YTHDC2: variants seen among roughly 807,000 people sequenced by gnomAD.
The protein encoded by YTHDC2 is YTH N6-methyladenosine RNA binding protein C2, also known as 3'-5' RNA helicase YTHDC2.
Under a neutral mutation model 174.9 loss-of-function variants are expected in YTHDC2, and 45 were observed. The ratio of observed to expected loss-of-function variants is 0.26; its 90% CI spans 0.20 to 0.33. The LOEUF (loss-of-function observed/expected upper bound fraction) is 0.33, where lower values mean the gene tolerates loss of function less well. Ranked by LOEUF, YTHDC2 falls within the 10% of genes least tolerant of loss-of-function variation. YTHDC2 has a pLI of 1.00. For missense variants in YTHDC2, 1,650 were observed against 1,723.7 expected (o/e 0.96, Z 0.76); for synonymous variants, 657 against 574.5 (o/e 1.14, Z -2.05).
intron 4 of YTHDC2, 81 bp from the exon 5 acceptor site, chr5:113,532,798 A>G: frequency 7.8e-7 from 1 of 1,279,280 alleles, no homozygotes; most frequent in Non-Finnish European, 1.1e-6. Flanking sequence ...CTTCAATTCT[A>G]GTGGTTTTTC....
chr5:113,583,275 A>G (rs1421874770), intron 25 of YTHDC2: 3 of 152,206 alleles, frequency 2.0e-5, no homozygotes, highest in East Asian at 1.9e-4. Flanking sequence ...ATAAAATGAC[A>G]TGATGTGTGG....
chr5:113,541,239 T>C lies in YTHDC2; in HGVS notation c.1359+123T>C. On this transcript the variant is annotated intron_variant, in intron 9 of 29. Transcript: ENST00000161863. ...TGGAGTCTGGCTCTGTGGCCCAGGC[T>C]GGAGTGGAGTGGCGTGATCTCGGCT... 2.8e-6 allele frequency: 3 copies of C among 1,064,962 alleles called. No individual in the cohort carries two copies. The South Asian group carries it at 4.2e-5, about 15-fold the overall frequency. The allele number at this position is 1,064,962 out of a possible 1,614,324, so 66.0% of individuals were successfully genotyped here.
intron 1 of YTHDC2, 64 bp downstream of exon 1, chr5:113,514,146 A>G (rs1388065572): frequency 6.5e-7 from 1 of 1,541,382 alleles, no homozygotes; most frequent in African/African-American, 1.4e-5. Flanking sequence ...GCGCCCCCCA[A>G]ACGGCGGCCC....
At chr5:113,567,402 A>G (rs1019153972) in intron 22 of YTHDC2, 105 bp downstream of exon 22, 22 of 395,268 alleles carry the variant, frequency 5.6e-5, no homozygotes, top group African/African-American at 9.0e-5. Flanking sequence ...GAAATTAATT[A>G]GTTATATATA....
intron 26 of YTHDC2, among the ~76,000 whole-genome samples, chr5:113,589,315 G>A (rs546714893): frequency 2.7e-4 from 40 of 147,184 alleles, no homozygotes; most frequent in African/African-American, 9.5e-4. Flanking sequence ...TTTATTTAGT[G>A]TCTAATCTGC....
At chr5:113,576,004 A>G (rs140519518) in intron 23 of YTHDC2, among the ~76,000 whole-genome samples, 136 of 152,320 alleles carry the variant, frequency 8.9e-4, no homozygotes, top group African/African-American at 3.0e-3. Flanking sequence ...CTTGTCACTC[A>G]TTTGAGATTC....
intron 21 of YTHDC2, among the ~76,000 whole-genome samples, chr5:113,566,830 T>C (rs1437742580): frequency 2.6e-5 from 4 of 152,058 alleles, no homozygotes; most frequent in Non-Finnish European, 4.4e-5. Context: ...AATGTGGATC[T>C]AAAAAAATTT....
intron 2 of YTHDC2, 47 bp downstream of exon 2, chr5:113,515,409 CA>C: frequency 6.7e-7 from 1 of 1,489,520 alleles, no homozygotes. Flanking sequence ...ATTATTTGCC[CA>C]AAAAAGGGAG....
At chr5:113,578,973 T>A (rs1455071108) in intron 23 of YTHDC2, among the ~76,000 whole-genome samples, 1 of 152,144 alleles carries the variant, frequency 6.6e-6, no homozygotes, top group Non-Finnish European at 1.5e-5. Flanking sequence ...CATTCTGTAT[T>A]TTTATAATCT....
chr5:113,552,854 C>G (rs961450275), intron 12 of YTHDC2, among the ~76,000 whole-genome samples: 2 of 152,048 alleles, frequency 1.3e-5, no homozygotes, highest in African/African-American at 4.8e-5. Flanking sequence ...TGTAGTCATC[C>G]TAGTTGGTGT....
At chr5:113,524,836 A>AT in intron 2 of YTHDC2, 145 bp from the exon 3 acceptor site, 3 of 586,340 alleles carry the variant, frequency 5.1e-6, no homozygotes, top group South Asian at 3.1e-5. Context: ...TCTTTACTGA[A>AT]TTTTTTTGGA....
chr5:113,541,334 G>T (rs932270838), intron 9 of YTHDC2, among the ~76,000 whole-genome samples: 3 of 151,974 alleles, frequency 2.0e-5, no homozygotes, highest in African/African-American at 7.3e-5. Flanking sequence ...TGGGACTATA[G>T]GCGCCCGCCA....
intron 5 of YTHDC2, among the ~76,000 whole-genome samples, chr5:113,533,351 T>A (rs1362560448): frequency 2.0e-5 from 3 of 151,910 alleles, no homozygotes; most frequent in Non-Finnish European, 4.4e-5. Flanking sequence ...GAGACCAGCC[T>A]GACCAACATG....
chr5:113,568,519 A>G (rs60914066), intron 23 of YTHDC2, among the ~76,000 whole-genome samples: 2 of 151,686 alleles, frequency 1.3e-5, no homozygotes, highest in Admixed American at 6.6e-5. Flanking sequence ...TGTTCTCCCT[A>G]CCCTCTACCA....
intron 3 of YTHDC2, among the ~76,000 whole-genome samples, chr5:113,526,331 C>A (rs1774234177): frequency 1.9e-5 from 2 of 106,384 alleles, no homozygotes. Context: ...AGAAATATGT[C>A]TGAGGTTCAC....
chr5:113,560,780 A>T (rs1776910012), intron 17 of YTHDC2, among the ~76,000 whole-genome samples: 5 of 152,196 alleles, frequency 3.3e-5, no homozygotes, highest in Admixed American at 3.3e-4. Context: ...ACCAATATTC[A>T]TTCATGCTTT....
intron 7 of YTHDC2, among the ~76,000 whole-genome samples, chr5:113,538,096 T>C (rs1327156059): frequency 2.0e-5 from 3 of 152,212 alleles, no homozygotes; most frequent in South Asian, 2.1e-4. Context: ...ACTTTATTTT[T>C]TTTCCATATC....
chr5:113,563,632 C>A, intron 19 of YTHDC2, 140 bp downstream of exon 19: 2 of 1,071,256 alleles, frequency 1.9e-6, no homozygotes, highest in Non-Finnish European at 2.6e-6. Context: ...TAATTTTGTA[C>A]TTTTAAACAA....
chr5:113,529,603 C>T (rs1774514128), intron 4 of YTHDC2, among the ~76,000 whole-genome samples: 1 of 152,008 alleles, frequency 6.6e-6, no homozygotes, highest in Non-Finnish European at 1.5e-5. Flanking sequence ...CATATTTTAA[C>T]TTGCATTTTG....
Sources: gnomAD v4.1 joint callset for allele counts (sites outside exome capture counted in the v4.1 genomes callset) on GRCh38, gnomAD v4.1.1 for gene constraint, MANE v1.5 for transcripts, NCBI Gene and HGNC (gene_info 2026-07-23, HGNC 2026-07-21) for gene names.